The following FLACC1 variants were observed in gnomAD, a reference collection of about 807,000 sequenced individuals.
FLACC1 encodes the protein flagellum associated containing coiled-coil domains 1.
Under a neutral mutation model 62.8 loss-of-function variants are expected in FLACC1, and 66 were observed. The ratio of observed to expected loss-of-function variants is 1.05; its 90% confidence interval spans 0.86 to 1.29. The LOEUF (loss-of-function observed/expected upper bound fraction) is 1.29. Among genes scored for constraint, FLACC1 ranks in the 50% most tolerant of loss-of-function variants. The pLI is 0.00. For missense variants in FLACC1, 452 were observed against 489.1 expected (o/e 0.92, Z 0.71); for synonymous variants, 156 against 161.0 (o/e 0.97, Z 0.24).
intron 8 of FLACC1, 50 bp downstream of exon 8, chr2:201,330,686 C>T: frequency 1.9e-6 from 3 of 1,588,988 alleles, no homozygotes; most frequent in Non-Finnish European, 2.6e-6. Flanking sequence ...ATTAGAAATG[C>T]CATTGCCTGG....
chr2:201,333,890 C>A (rs559616966), intron 7 of FLACC1, among the ~76,000 whole-genome samples: 4,395 of 152,192 alleles, frequency 0.029, 82 homozygotes, highest in Middle Eastern at 0.061. Context: ...TTTATAGCAG[C>A]ATGATTTATA....
chr2:201,340,290 T>C (rs1032366226), intron 7 of FLACC1, among the ~76,000 whole-genome samples: 1 of 152,224 alleles, frequency 6.6e-6, no homozygotes, highest in Non-Finnish European at 1.5e-5. Context: ...ATTTTTGTTT[T>C]GTTGTTTTGT....
At chr2:201,301,200 GACTA>G (rs747906152) in intron 11 of FLACC1, among the ~76,000 whole-genome samples, 1 of 152,136 alleles carries the variant, frequency 6.6e-6, no homozygotes, top group Non-Finnish European at 1.5e-5. Flanking sequence ...TTGGATGAAT[GACTA>G]ACTAGAAAAA....
intron 11 of FLACC1, among the ~76,000 whole-genome samples, chr2:201,303,533 T>G (rs957520223): frequency 4.6e-5 from 7 of 152,230 alleles, no homozygotes; most frequent in African/African-American, 1.7e-4. Flanking sequence ...CCTTTGAAAC[T>G]ATTGCAATCA....
chr2:201,288,885 C>G, intron 14 of FLACC1, 104 bp from the exon 15 acceptor site: 1 of 1,331,758 alleles, frequency 7.5e-7, no homozygotes, highest in Non-Finnish European at 1.0e-6. Flanking sequence ...TCCTTCACCA[C>G]AGCAGTCTCT....
intron 12 of FLACC1, among the ~76,000 whole-genome samples, chr2:201,294,255 C>T (rs956730957): frequency 3.9e-5 from 6 of 152,070 alleles, no homozygotes; most frequent in East Asian, 1.9e-4. Flanking sequence ...TGATGAACAT[C>T]GATGCAAAAA....
intron 9 of FLACC1, among the ~76,000 whole-genome samples, chr2:201,320,576 C>G (rs768496611): frequency 6.6e-6 from 1 of 152,348 alleles, no homozygotes; most frequent in Non-Finnish European, 1.5e-5. Flanking sequence ...TCACTCTGCA[C>G]AAACCCTTCT....
At chr2:201,293,435 TGAAATGA>T in intron 12 of FLACC1, among the ~76,000 whole-genome samples, 1 of 152,176 alleles carries the variant, frequency 6.6e-6, no homozygotes, top group Middle Eastern at 3.4e-3. Flanking sequence ...GGGTACATAA[TGAAATGA>T]AGGCAGAAAT....
chr2:201,352,863 G>A (rs528455252), intron 1 of FLACC1, among the ~76,000 whole-genome samples: 2 of 152,372 alleles, frequency 1.3e-5, no homozygotes, highest in African/African-American at 4.8e-5. Flanking sequence ...CAGAGAAGAT[G>A]TGATAATGGA....
intron 9 of FLACC1, among the ~76,000 whole-genome samples, chr2:201,320,179 C>A (rs1253768099): frequency 6.6e-6 from 1 of 152,212 alleles, no homozygotes. Context: ...TCACGGGGAA[C>A]CCTGTGGAGG....
chr2:201,342,344 A>G, intron 7 of FLACC1, 26 bp downstream of exon 7: 1 of 1,613,226 alleles, frequency 6.2e-7, no homozygotes, highest in Non-Finnish European at 8.5e-7. Context: ...ATCAACACAC[A>G]CAAGGGTCCA....
In FLACC1 at chr2:201,288,694, G is replaced by T; in HGVS notation, c.1230C>A (p.Asp410Glu). ...ASITVSKDDS[D>E]TVQDGSKKGQ... is the part of the protein sequence containing the mutation. ...CTTTCTTGCTACCATCTTGCACAGT[G>T]TCAGAATCATCCTTAGAAACAGTAA... The change falls in exon 15 of 15, where the codon GAC (aspartate) becomes GAA (glutamate). Residue 410 changes from aspartate (D) to glutamate (E), a missense_variant. By Grantham distance (45) the Asp-to-Glu change is conservative. Around this residue, in one of 3 missense-constraint regions of FLACC1, gnomAD observed 301 missense variants for 318.4 expected, o/e 0.95. Transcript: ENST00000392257. 1 of 1,614,062 alleles carries T rather than the reference G, an allele frequency of 6.2e-7. No individual in the cohort carries two copies.
At chr2:201,308,715 C>T (rs573506949) in intron 10 of FLACC1, among the ~76,000 whole-genome samples, 3 of 152,234 alleles carry the variant, frequency 2.0e-5, no homozygotes, top group South Asian at 2.1e-4. Context: ...TTCTGGAAGA[C>T]GTGGGAATAT....
At chr2:201,344,382 C>G in intron 5 of FLACC1, 119 bp from the exon 6 acceptor site, 2 of 756,208 alleles carry the variant, frequency 2.6e-6, no homozygotes, top group East Asian at 2.6e-5. Flanking sequence ...TGGCCATGTT[C>G]TGCACCTGCT....
At chr2:201,360,906 C>T (rs575624975), upstream of FLACC1, among the ~76,000 whole-genome samples, 58 of 152,108 alleles carry the variant, frequency 3.8e-4, no homozygotes, top group Non-Finnish European at 6.5e-4. Flanking sequence ...GGTGAAACCC[C>T]GTCTCTACTA....
intron 7 of FLACC1, among the ~76,000 whole-genome samples, chr2:201,332,091 C>T (rs1950604387): frequency 2.0e-5 from 3 of 151,936 alleles, no homozygotes; most frequent in African/African-American, 7.3e-5. Context: ...GCTAAGAGTG[C>T]TGTCTCTCCA....
chr2:201,291,555 A>G (rs925921194), intron 12 of FLACC1, among the ~76,000 whole-genome samples: 24 of 152,246 alleles, frequency 1.6e-4, no homozygotes, highest in Admixed American at 7.2e-4. Flanking sequence ...CCAAAGGTAG[A>G]TAAAACCACA....
rs759341015 is a variant in FLACC1, at chr2:201,330,536, A to G, written c.623-14T>C. On this transcript the variant is annotated splice_polypyrimidine_tract_variant and intron_variant, in intron 8 of 14. Coordinates refer to ENST00000392257, the MANE Select transcript of FLACC1 (RefSeq NM_001127391.3). ...TTCCCATCTCCTCTGGATAAAAGGAAAACAACAGGATCATCATTAGTCTTC... is the reference window on the plus strand; with the variant it reads ...TTCCCATCTCCTCTGGATAAAAGGAGAACAACAGGATCATCATTAGTCTTC... 6.2e-7 allele frequency: 1 copy of G among 1,612,444 alleles called. No individual in the cohort carries two copies. The highest frequency in any genetic ancestry group is 1.7e-5 in the Admixed American group (1 of 59,790).
chr2:201,339,508 A>G (rs1950763524), intron 7 of FLACC1, among the ~76,000 whole-genome samples: 1 of 151,456 alleles, frequency 6.6e-6, no homozygotes, highest in Admixed American at 6.6e-5. Flanking sequence ...TTTATTTGAA[A>G]TCTTTCTACT....
Sources: allele counts gnomAD v4.1 joint callset (sites outside exome capture counted in the v4.1 genomes callset), GRCh38; gene constraint gnomAD v4.1.1; regional missense constraint gnomAD v4.1.1; transcripts MANE v1.5; gene names NCBI Gene and HGNC (gene_info 2026-07-23, HGNC 2026-07-21).